Variants in DIAPH3 observed in about 807,000 individuals in gnomAD.
DIAPH3 encodes the protein protein diaphanous homolog 3.
Under a neutral mutation model 144.3 loss-of-function variants are expected in DIAPH3, and 117 were observed. The observed-to-expected ratio is 0.81, with a 90% CI of 0.70 to 0.95. The LOEUF (loss-of-function observed/expected upper bound fraction) is 0.95, where lower values mean the gene tolerates loss of function less well. Ranked by LOEUF, DIAPH3 falls within the 40% of genes least tolerant of loss-of-function variation. The pLI is 0.00. For missense variants in DIAPH3, 1,421 were observed against 1,412.7 expected (o/e 1.01, Z -0.09); for synonymous variants, 519 against 488.9 (o/e 1.06, Z -0.81).
chr13:59,845,371 C>A (rs980240547), intron 22 of DIAPH3, among the ~76,000 whole-genome samples: 3 of 152,020 alleles, frequency 2.0e-5, no homozygotes, highest in Non-Finnish European at 2.9e-5. Context: ...CATAGGGAAC[C>A]CTTTTGTCTT....
intron 22 of DIAPH3, among the ~76,000 whole-genome samples, chr13:59,860,298 A>G (rs2043503724): frequency 6.6e-6 from 1 of 152,228 alleles, no homozygotes; most frequent in African/African-American, 2.4e-5. Context: ...AAGAGGTTAT[A>G]AAGACAATTT....
In DIAPH3 at chr13:59,984,226, C is replaced by A. The variant is rs982185065; in HGVS notation, c.1362-339G>T. ...AGAGGTCATCAACTTTCCACTGTAC[C>A]ACACTGAAATAGCTATCATTAATTC... On this transcript the variant is annotated intron_variant, in intron 12 of 27. Coordinates refer to ENST00000400324, the MANE Select transcript of DIAPH3 (RefSeq NM_001042517.2). 1.3e-5 allele frequency among the ~76,000 whole-genome samples: 2 copies of A among 151,530 alleles called. 1 individual carries two copies. The highest frequency in any genetic ancestry group is 4.2e-4 in the South Asian group (2 of 4,812).
At chr13:59,786,635 T>C (rs568745761) in intron 25 of DIAPH3, among the ~76,000 whole-genome samples, 12 of 152,294 alleles carry the variant, frequency 7.9e-5, no homozygotes, top group African/African-American at 2.9e-4. Context: ...TGGATGAATT[T>C]GTCATTACAA....
intron 24 of DIAPH3, among the ~76,000 whole-genome samples, chr13:59,814,994 A>G (rs1478754853): frequency 1.3e-5 from 2 of 152,150 alleles, no homozygotes; most frequent in African/African-American, 4.8e-5. Flanking sequence ...GGTTTCATCT[A>G]TGTTGTTGCA....
intron 20 of DIAPH3, among the ~76,000 whole-genome samples, chr13:59,906,804 T>C (rs925185863): frequency 1.3e-5 from 2 of 152,224 alleles, no homozygotes; most frequent in Non-Finnish European, 2.9e-5. Context: ...AAGCTTCAAC[T>C]GCAAATTTTT....
chr13:60,094,780 TAA>T (rs1234857561), intron 3 of DIAPH3, among the ~76,000 whole-genome samples: 1 of 152,174 alleles, frequency 6.6e-6, no homozygotes, highest in Non-Finnish European at 1.5e-5. Flanking sequence ...TTCGAGCACT[TAA>T]AAGTCAAAAT....
At chr13:60,154,544 G>A (rs1357051177) in intron 1 of DIAPH3, among the ~76,000 whole-genome samples, 3 of 152,122 alleles carry the variant, frequency 2.0e-5, no homozygotes, top group Non-Finnish European at 4.4e-5. Flanking sequence ...ATTTCACTAA[G>A]TAACTAGTAA....
intron 1 of DIAPH3, among the ~76,000 whole-genome samples, chr13:60,160,762 T>A (rs1791540369): frequency 6.6e-6 from 1 of 152,186 alleles, no homozygotes; most frequent in Admixed American, 6.5e-5. Context: ...CGGCTTAAGA[T>A]ATTTTCAAAT....
At chr13:59,972,906 C>G (rs1372910698) in intron 15 of DIAPH3, among the ~76,000 whole-genome samples, 2 of 152,104 alleles carry the variant, frequency 1.3e-5, no homozygotes, top group Non-Finnish European at 2.9e-5. Context: ...ATATTTTATT[C>G]ATACTCTTCA....
At chr13:59,675,654 TACA>T (rs994031998) in intron 27 of DIAPH3, among the ~76,000 whole-genome samples, 3 of 152,210 alleles carry the variant, frequency 2.0e-5, no homozygotes, top group African/African-American at 7.2e-5. Flanking sequence ...TTAAAATTTT[TACA>T]ACAATCCCAA....
At chr13:60,075,193 C>T (rs928506669) in intron 4 of DIAPH3, among the ~76,000 whole-genome samples, 2 of 152,170 alleles carry the variant, frequency 1.3e-5, no homozygotes, top group East Asian at 3.9e-4. Flanking sequence ...TGAAATTGAA[C>T]GTCTTTTCAT....
chr13:59,781,161 G>A (rs2038718490), intron 25 of DIAPH3, among the ~76,000 whole-genome samples: 1 of 152,162 alleles, frequency 6.6e-6, no homozygotes, highest in Non-Finnish European at 1.5e-5. Flanking sequence ...CTAGAATGCT[G>A]CAAGCAAGTA....
intron 17 of DIAPH3, among the ~76,000 whole-genome samples, chr13:59,931,568 T>C (rs546072263): frequency 2.6e-4 from 39 of 152,294 alleles, no homozygotes; most frequent in African/African-American, 7.7e-4. Flanking sequence ...GCAGAAACTT[T>C]GATTGTCACT....
chr13:60,112,996 A>C (rs747442434), intron 2 of DIAPH3, among the ~76,000 whole-genome samples: 24 of 152,224 alleles, frequency 1.6e-4, no homozygotes, highest in Non-Finnish European at 2.5e-4. Context: ...AAAAAGTCTT[A>C]AGCTGAACCA....
intron 21 of DIAPH3, among the ~76,000 whole-genome samples, chr13:59,877,824 CA>C (rs1349461948): frequency 6.6e-6 from 1 of 151,912 alleles, no homozygotes; most frequent in Non-Finnish European, 1.5e-5. Flanking sequence ...TCACTGTACT[CA>C]CACATGCCAT....
intron 20 of DIAPH3, among the ~76,000 whole-genome samples, chr13:59,893,728 G>T (rs2045938453): frequency 1.3e-5 from 2 of 152,052 alleles, no homozygotes; most frequent in Admixed American, 1.3e-4. Context: ...ATGAACAAGA[G>T]AACCTTTTTC....
intron 4 of DIAPH3, among the ~76,000 whole-genome samples, chr13:60,051,599 A>G (rs1440225027): frequency 6.6e-6 from 1 of 152,110 alleles, no homozygotes; most frequent in Non-Finnish European, 1.5e-5. Flanking sequence ...CAGCCTGGGC[A>G]ACAAGAAACT....
At chr13:59,842,094 T>C (rs1000935550) in intron 22 of DIAPH3, among the ~76,000 whole-genome samples, 2 of 152,154 alleles carry the variant, frequency 1.3e-5, no homozygotes, top group Non-Finnish European at 1.5e-5. Context: ...TTCTTGTACA[T>C]TCTTGCCCAT....
chr13:59,734,797 T>G (rs1316371027), intron 27 of DIAPH3, among the ~76,000 whole-genome samples: 1 of 152,226 alleles, frequency 6.6e-6, no homozygotes, highest in Non-Finnish European at 1.5e-5. Flanking sequence ...TATTTTCAAA[T>G]TTTAAAAAAT....
Sources: gnomAD v4.1 joint callset for allele counts (sites outside exome capture counted in the v4.1 genomes callset) on GRCh38, gnomAD v4.1.1 for gene constraint, MANE v1.5 for transcripts, NCBI Gene and HGNC (gene_info 2026-07-23, HGNC 2026-07-21) for gene names.